Variants in LSP1 observed in about 807,000 individuals in gnomAD.
LSP1 encodes the protein lymphocyte specific protein 1.
LSP1 carries 32 observed loss-of-function variants against 49.3 expected under a neutral mutation model. The ratio of observed to expected loss-of-function variants is 0.65; its 90% CI spans 0.49 to 0.87. The LOEUF is 0.87. LSP1 is among the 40% of genes least tolerant of loss of function. The pLI, the probability that LSP1 is intolerant of heterozygous loss-of-function variation, is 0.00. For missense variants in LSP1, 428 were observed against 442.6 expected, an observed-to-expected ratio of 0.97 and a Z score of 0.30; for synonymous variants, 179 against 178.8, an observed-to-expected ratio of 1.00 and a Z score of -0.01.
chr11:1,888,972 A>C, intron 10 of LSP1: 1 of 520,360 alleles, frequency 1.9e-6, no homozygotes, highest in Admixed American at 3.7e-5. Context: ...CCACCCTCCT[A>C]ACCATGCAGA....
At chr11:1,889,085 C>G (rs1472180822) in intron 10 of LSP1, 2 of 588,950 alleles carry the variant, frequency 3.4e-6, no homozygotes, top group East Asian at 6.0e-5. Context: ...CCAGCTAGAG[C>G]CTCAGCCCCT....
intron 1 of LSP1, among the ~76,000 whole-genome samples, chr11:1,877,741 G>A (rs578241666): frequency 2.0e-5 from 3 of 152,344 alleles, no homozygotes; most frequent in African/African-American, 7.2e-5. Context: ...CATGGGGTGC[G>A]GGCATGTATG....
chr11:1,885,059 T>TG (rs1848699908), intron 7 of LSP1, among the ~76,000 whole-genome samples: 2 of 151,920 alleles, frequency 1.3e-5, no homozygotes, highest in Admixed American at 1.3e-4. Flanking sequence ...ATCCAATCAG[T>TG]GCCCCTCCAT....
intron 1 of LSP1, chr11:1,869,320 A>G (rs1384325247): frequency 6.5e-6 from 2 of 305,890 alleles, no homozygotes; most frequent in African/African-American, 4.3e-5. Context: ...GACGAGAACA[A>G]ACCCTACCTG....
At chr11:1,874,979 C>A (rs1848246925) in intron 1 of LSP1, among the ~76,000 whole-genome samples, 2 of 152,308 alleles carry the variant, frequency 1.3e-5, no homozygotes, top group South Asian at 4.1e-4. Context: ...GCAGCTGCCC[C>A]CCACAGCGGG....
chr11:1,881,155 A>G, intron 2 of LSP1: 1 of 380,860 alleles, frequency 2.6e-6, no homozygotes. Context: ...AGGTAGCCCC[A>G]GGCTGATGGA....
At chr11:1,858,295 T>C (rs560097202) in intron 1 of LSP1, among the ~76,000 whole-genome samples, 1 of 151,758 alleles carries the variant, frequency 6.6e-6, no homozygotes, top group East Asian at 1.9e-4. Context: ...CTTCCCGGGG[T>C]CTCTCTGACC....
chr11:1,864,461 GGGAGGAAGGGAA>G (rs1225659478), intron 1 of LSP1: 1 of 152,388 alleles, frequency 6.6e-6, no homozygotes, highest in Non-Finnish European at 1.5e-5. Flanking sequence ...CAGAGGCGGA[GGGAGGAAGGGAA>G]AGAGGAAGGG....
At chr11:1,856,444 A>G (rs972942234) in intron 1 of LSP1, among the ~76,000 whole-genome samples, 2 of 152,246 alleles carry the variant, frequency 1.3e-5, no homozygotes, top group African/African-American at 4.8e-5. Context: ...CAGACCTTCA[A>G]AGGCCTGCCC....
chr11:1,889,847 A>C lies in LSP1; in HGVS notation c.*14-1926A>C, dbSNP rs1279438291. 4.7e-6 allele frequency: 3 copies of C among 633,662 alleles called. No individual in the cohort carries two copies. In the South Asian group the frequency reaches 5.5e-5, roughly 12 times the overall value. 39.3% of individuals were successfully genotyped at this position (633,662 alleles called of 1,614,324 possible). A position where few individuals can be genotyped will look rare whatever the true frequency, so the allele number is the denominator to read the frequency against. On this transcript the variant is annotated intron_variant, in intron 10 of 10. Coordinates refer to ENST00000311604, the MANE Select transcript of LSP1 (RefSeq NM_002339.3). ...GGAAGCCGGGTGGCGGCCGTGGTAC[A>C]GGGGGCTCCTCAGGCAAGGGACTGG...
intron 10 of LSP1, chr11:1,888,912 C>T (rs1189899047): frequency 4.3e-6 from 2 of 470,256 alleles, no homozygotes; most frequent in African/African-American, 2.0e-5. Flanking sequence ...TCCCCTCACA[C>T]CACTGCAGCC....
chr11:1,857,424 C>T lies in LSP1; in HGVS notation c.53+4227C>T, dbSNP rs534237012. On this transcript the variant is annotated intron_variant, in intron 1 of 10. Transcript: ENST00000311604. Reference sequence around the variant, plus strand: ...TGTCTCCACCTCAGTTCCCTGAGAACGTGCCAGAGGGATGGGTGAGCCCTA... The same window carrying T: ...TGTCTCCACCTCAGTTCCCTGAGAATGTGCCAGAGGGATGGGTGAGCCCTA... Among the ~76,000 whole-genome samples the T allele has an allele frequency of 1.7e-4, 26 of 152,306 alleles. No homozygotes were observed. The South Asian group carries it at 5.0e-3, about 29-fold the overall frequency.
At chr11:1,854,397 C>T (rs1847437290) in intron 1 of LSP1, among the ~76,000 whole-genome samples, 1 of 152,200 alleles carries the variant, frequency 6.6e-6, no homozygotes, top group Non-Finnish European at 1.5e-5. Flanking sequence ...CGACCCGGGG[C>T]GGTGCAGGGA....
At chr11:1,853,680 GC>G (rs1296590138) in intron 1 of LSP1, among the ~76,000 whole-genome samples, 1 of 152,228 alleles carries the variant, frequency 6.6e-6, no homozygotes, top group African/African-American at 2.4e-5. Context: ...AGGCCGCCAG[GC>G]TTGGGGCCCA....
At chr11:1,869,006 C>G in intron 1 of LSP1, 3 of 986,916 alleles carry the variant, frequency 3.0e-6, no homozygotes, top group Non-Finnish European at 3.6e-6. Context: ...CTGGGGTTAA[C>G]CACAGAGGTC....
At chr11:1,876,387 C>T (rs1848310996) in intron 1 of LSP1, 5 of 941,652 alleles carry the variant, frequency 5.3e-6, no homozygotes, top group African/African-American at 1.8e-5. Context: ...CCTGCCAGCT[C>T]CCTGTGGTGT....
chr11:1,871,163 G>C (rs1368672243), intron 1 of LSP1: 1 of 985,622 alleles, frequency 1.0e-6, no homozygotes, highest in Non-Finnish European at 1.2e-6. Flanking sequence ...TTAGTGACAC[G>C]GAGGAAGACA....
At chr11:1,874,281 G>A (rs1589819586) in intron 1 of LSP1, among the ~76,000 whole-genome samples, 1 of 97,220 alleles carries the variant, frequency 1.0e-5, no homozygotes, top group South Asian at 4.0e-4. Context: ...GGGGCAGGCC[G>A]GGGACGGGGG....
chr11:1,871,194 G>A (rs1184145895), intron 1 of LSP1: 5 of 985,980 alleles, frequency 5.1e-6, no homozygotes, highest in Admixed American at 6.1e-5. Flanking sequence ...TGCACAGCAC[G>A]CAGAACAGGA....
Sources: allele counts gnomAD v4.1 joint callset (sites outside exome capture counted in the v4.1 genomes callset), GRCh38; gene constraint gnomAD v4.1.1; transcripts MANE v1.5; gene names NCBI Gene and HGNC (gene_info 2026-07-23, HGNC 2026-07-21).